Variants in PWWP3A observed in about 807,000 individuals in gnomAD.
PWWP3A encodes PWWP domain-containing DNA repair factor 3A.
Under a neutral mutation model 79.0 loss-of-function variants are expected in PWWP3A, and 53 were observed. The ratio of observed to expected loss-of-function variants is 0.67; its 90% confidence interval spans 0.54 to 0.84. The LOEUF (loss-of-function observed/expected upper bound fraction) is 0.84. Among genes scored for constraint, PWWP3A ranks in the 40% least tolerant of loss-of-function variants. PWWP3A has a pLI of 0.00. For missense variants in PWWP3A, 973 were observed against 948.0 expected, an observed-to-expected ratio of 1.03 and a Z score of -0.35; for synonymous variants, 443 against 394.4, an observed-to-expected ratio of 1.12 and a Z score of -1.46.
intron 11 of PWWP3A, among the ~76,000 whole-genome samples, chr19:1,370,332 C>T (rs1048012993): frequency 2.0e-5 from 3 of 152,234 alleles, no homozygotes; most frequent in African/African-American, 7.2e-5. Flanking sequence ...TTTTCCATGC[C>T]TCCTGGTTGG....
chr19:1,362,100 C>T (rs2082029681), intron 5 of PWWP3A, 150 bp from the exon 6 acceptor site: 4 of 519,732 alleles, frequency 7.7e-6, no homozygotes, highest in South Asian at 3.3e-5. Flanking sequence ...ATTAGAAGCG[C>T]ACTCTGTTTG....
At chr19:1,376,230 A>G (rs2082389726) in intron 13 of PWWP3A, among the ~76,000 whole-genome samples, 1 of 139,742 alleles carries the variant, frequency 7.2e-6, no homozygotes, top group Non-Finnish European at 1.5e-5. Context: ...GTTTCAAGCG[A>G]TTCTCCTACC....
intron 12 of PWWP3A, 137 bp from the exon 13 acceptor site, chr19:1,372,935 C>T (rs2082292877): frequency 1.5e-6 from 1 of 654,476 alleles, no homozygotes; most frequent in Admixed American, 2.7e-5. Flanking sequence ...TAGGTTTGCA[C>T]CTTCTGAACC....
chr19:1,375,489 AATAT>A (rs1414935465), intron 13 of PWWP3A, among the ~76,000 whole-genome samples: 1 of 130,166 alleles, frequency 7.7e-6, no homozygotes, highest in East Asian at 2.1e-4. Flanking sequence ...TATTATATAA[AATAT>A]ATAAATTTTA....
At position 1,368,137 on chromosome 19, in the gene PWWP3A, T is replaced by C. The variant is rs7249199; in HGVS notation, c.1422+917T>C. Among the ~76,000 whole-genome samples the C allele has an allele frequency of 6.6e-6, 1 of 152,042 alleles. No homozygotes were observed. Among genetic ancestry groups the C allele is most frequent in the Non-Finnish European group, 1.5e-5 (1 of 67,990 alleles). ...ACGGGGTTTCATCATATTGGCCAGG[T>C]TGGTCTCGAACTCCTGACCTCATGA... On this transcript the variant is annotated intron_variant, in intron 9 of 13. Transcript: ENST00000591337. The surrounding 1 kb of genome is among the most constrained non-coding windows in gnomAD (Gnocchi z 4.7).
chr19:1,365,897 C>T (rs1013443195), intron 7 of PWWP3A, among the ~76,000 whole-genome samples: 1 of 152,230 alleles, frequency 6.6e-6, no homozygotes, highest in Non-Finnish European at 1.5e-5. Flanking sequence ...GAGGTGGCAG[C>T]GCCCTGTAGT....
Position 1,368,285 on chromosome 19 carries a change from C to A in PWWP3A, c.1423-980C>A, listed in dbSNP as rs1322515879. On this transcript the variant is annotated intron_variant, in intron 9 of 13. Coordinates refer to ENST00000591337, the MANE Select transcript of PWWP3A (RefSeq NM_001369789.1). This position sits in a 1 kb window ranked among gnomAD's most constrained non-coding sequence, Gnocchi z 4.7. ...GGGTGAGGAGAAGAGCAGGAAGTTC[C>A]GTGCCTTAAACGCAGAAGGGCTGCC... 6.6e-6 allele frequency among the ~76,000 whole-genome samples: 1 copy of A among 152,082 alleles called. No individual in the cohort carries two copies. Among genetic ancestry groups the A allele is most frequent in the Non-Finnish European group, 1.5e-5 (1 of 68,032 alleles).
chr19:1,358,548 T>TA, intron 4 of PWWP3A, 84 bp downstream of exon 4: 1 of 1,604,174 alleles, frequency 6.2e-7, no homozygotes, highest in Admixed American at 1.7e-5. Flanking sequence ...GCTTTCTGGG[T>TA]AAAAATTCAC....
chr19:1,358,790 T>G, intron 4 of PWWP3A: 1 of 743,844 alleles, frequency 1.3e-6, no homozygotes, highest in South Asian at 1.4e-5. Context: ...GGTCCTCCTT[T>G]TTCCTTTCCT....
chr19:1,363,848 CTG>C (rs1218821623), intron 6 of PWWP3A, among the ~76,000 whole-genome samples: 1 of 152,196 alleles, frequency 6.6e-6, no homozygotes, highest in Non-Finnish European at 1.5e-5. Flanking sequence ...AGGTTTTGAT[CTG>C]TGTTTATGGA....
In PWWP3A at chr19:1,356,418, G is replaced by A; in HGVS notation, c.26G>A (p.Cys9Tyr). Reference sequence around the variant, plus strand: ...ATGGCGGATGCCAAGTATGTCCTCTGCCGATGGGAAAAGCGATTATGGCCT... The same window carrying A: ...ATGGCGGATGCCAAGTATGTCCTCTACCGATGGGAAAAGCGATTATGGCCT... MADAKYVL[C>Y]RWEKRLWPAK... The change falls in exon 2 of 14, where the codon TGC becomes TAC. Residue 9 changes from cysteine (C) to tyrosine (Y), a missense_variant. Cys to Tyr is a radical substitution (Grantham distance 194, BLOSUM62 -2). Coordinates refer to ENST00000591337, the MANE Select transcript of PWWP3A (RefSeq NM_001369789.1). The A allele has an allele frequency of 6.2e-7, 1 of 1,614,138 alleles. No homozygotes were observed.
Position 1,370,674 on chromosome 19 carries a change from G to A in PWWP3A, c.1582G>A (p.Val528Ile), listed in dbSNP as rs1459654107. The change falls in exon 12 of 14, where the codon GTC becomes ATC. Residue 528 changes from valine (V) to isoleucine (I), a missense_variant. Coordinates refer to ENST00000591337, the MANE Select transcript of PWWP3A (RefSeq NM_001369789.1). The stretch of plus-strand genomic sequence containing the variant: ...TGTCCGAAAATCCATCCAGCAGGAC[G>A]TCTTGGGGACCAAGCTTCCTCAACT... ...YPVRKSIQQD[V>I]LGTKLPQLSK... 4.1e-6 allele frequency: 6 copies of A among 1,451,960 alleles called. No homozygotes were observed. Among genetic ancestry groups the A allele is most frequent in the South Asian group, 2.9e-5 (2 of 67,908 alleles). The allele number at this position is 1,451,960 out of a possible 1,614,324, so 89.9% of individuals were successfully genotyped here. A position where few individuals can be genotyped will look rare whatever the true frequency, so the allele number is the denominator to read the frequency against.
At chr19:1,365,992 C>G (rs2144731398) in intron 7 of PWWP3A, among the ~76,000 whole-genome samples, 1 of 152,374 alleles carries the variant, frequency 6.6e-6, no homozygotes, top group South Asian at 2.1e-4. Context: ...GAGGACAAAC[C>G]TGCCCTGCTG....
chr19:1,373,009 C>A, intron 12 of PWWP3A, 63 bp from the exon 13 acceptor site: 6 of 1,484,516 alleles, frequency 4.0e-6, no homozygotes, highest in Admixed American at 1.8e-5. Flanking sequence ...CCTTCTTAAC[C>A]GCAGGCCACT....
chr19:1,370,928 G>A lies in PWWP3A; in HGVS notation c.1836G>A (p.Val612=). 1.3e-6 allele frequency: 2 copies of A among 1,556,288 alleles called. No homozygotes were observed. Among genetic ancestry groups the A allele is most frequent in the South Asian group, 2.4e-5 (2 of 84,386 alleles). ...CCTTCCTGAGCTCCAGCCAGTACGT[G>A]ACCTGTGTGGAGACCTACCTGGAGG... ...LQTFLSSSQY[V]TCVETYLEDE... The change falls in exon 12 of 14, where the codon GTG becomes GTA. Residue 612 remains valine (V), a synonymous_variant. Transcript: ENST00000591337.
chr19:1,367,086 CAGAGACAGGG>C (rs1411556999), intron 8 of PWWP3A, 64 bp from the exon 9 acceptor site: 2 of 1,252,942 alleles, frequency 1.6e-6, no homozygotes, highest in African/African-American at 3.0e-5. Context: ...TGATCTTAAT[CAGAGACAGGG>C]AAAGGTTTTT....
intron 7 of PWWP3A, 104 bp downstream of exon 7, chr19:1,364,683 T>G (rs1725997679): frequency 8.1e-6 from 8 of 982,326 alleles, no homozygotes; most frequent in South Asian, 5.3e-5. Flanking sequence ...GATAAATGTT[T>G]TCATTGTTTT....
In PWWP3A at chr19:1,377,542, G is replaced by C. The variant is rs955816911; in HGVS notation, c.*966G>C. ...GCGGCTTCCGGGGTGTGGCTGCCGG[G>C]TCGGCTCTGGTCCACAGCACGGTGC... On this transcript the variant is annotated 3_prime_UTR_variant, in exon 14 of 14. Coordinates refer to ENST00000591337, the MANE Select transcript of PWWP3A (RefSeq NM_001369789.1). 6.6e-6 allele frequency: 1 copy of C among 152,424 alleles called. No homozygotes were observed. Among genetic ancestry groups the C allele is most frequent in the Non-Finnish European group, 1.5e-5 (1 of 68,206 alleles). 9.4% of individuals were successfully genotyped at this position (152,424 alleles called of 1,614,324 possible). A position where few individuals can be genotyped will look rare whatever the true frequency, so the allele number is the denominator to read the frequency against.
chr19:1,370,874 G>A lies in PWWP3A; in HGVS notation c.1782G>A (p.Lys594=). Residue 594 remains lysine (K), a synonymous_variant, in exon 12 of 14, where the codon AAG becomes AAA. Transcript: ENST00000591337. The part of the protein sequence containing the change: ...GAESHLRAIL[K]SRKPSRWLQT... Reference sequence around the variant, plus strand: ...AGAGCCACCTGCGGGCCATCCTAAAGAGCAGGAAGCCATCTCGCTGGCTGC... The same window carrying A: ...AGAGCCACCTGCGGGCCATCCTAAAAAGCAGGAAGCCATCTCGCTGGCTGC... 6.4e-7 allele frequency: 1 copy of A among 1,558,630 alleles called. No homozygotes were observed. Among genetic ancestry groups the A allele is most frequent in the Non-Finnish European group, 8.7e-7 (1 of 1,150,940 alleles).
Sources: allele counts gnomAD v4.1 joint callset (sites outside exome capture counted in the v4.1 genomes callset), GRCh38; gene constraint gnomAD v4.1.1; non-coding constraint Gnocchi (gnomAD v3.1); transcripts MANE v1.5; gene names NCBI Gene and HGNC (gene_info 2026-07-23, HGNC 2026-07-21).